TMEM196: variants seen among roughly 807,000 people sequenced by gnomAD.
The protein encoded by TMEM196 is transmembrane protein 196.
TMEM196 carries 17 observed loss-of-function variants against 20.0 expected under a neutral mutation model. The observed-to-expected ratio is 0.85, with a 90% CI of 0.58 to 1.27. The LOEUF (loss-of-function observed/expected upper bound fraction) is 1.27. Among genes scored for constraint, TMEM196 ranks in the 50% most tolerant of loss-of-function variants. The pLI is 0.00. For synonymous variants in TMEM196, 113 were observed against 88.9 expected (o/e 1.27, Z -1.52); for missense variants, 267 against 223.0 (o/e 1.20, Z -1.26).
At chr7:19,757,276 C>T (rs562497308) in intron 1 of TMEM196, among the ~76,000 whole-genome samples, 4 of 145,262 alleles carry the variant, frequency 2.8e-5, no homozygotes, top group Middle Eastern at 3.5e-3. Flanking sequence ...AAGGTTCAAG[C>T]GATTCTCTCA....
chr7:19,743,819 C>T (rs1583436578), intron 1 of TMEM196, among the ~76,000 whole-genome samples: 1 of 152,108 alleles, frequency 6.6e-6, no homozygotes, highest in Non-Finnish European at 1.5e-5. Flanking sequence ...AAAATCTTGA[C>T]AAGGCAAATA....
intron 1 of TMEM196, among the ~76,000 whole-genome samples, chr7:19,747,900 G>C (rs1332724946): frequency 6.6e-6 from 1 of 152,054 alleles, no homozygotes; most frequent in Non-Finnish European, 1.5e-5. Context: ...TCTCCCTAAA[G>C]GTTATTGGAT....
intron 1 of TMEM196, among the ~76,000 whole-genome samples, chr7:19,758,650 A>G (rs1399045503): frequency 1.3e-5 from 2 of 152,236 alleles, no homozygotes; most frequent in South Asian, 2.1e-4. Context: ...GGTTCATTGC[A>G]TGACTCAATT....
At chr7:19,727,692 T>G (rs1784049191) in intron 2 of TMEM196, among the ~76,000 whole-genome samples, 1 of 152,176 alleles carries the variant, frequency 6.6e-6, no homozygotes. Flanking sequence ...TTCAAATAAT[T>G]AATTATTGTT....
At chr7:19,758,373 A>C (rs1306097035) in intron 1 of TMEM196, among the ~76,000 whole-genome samples, 1 of 152,208 alleles carries the variant, frequency 6.6e-6, no homozygotes, top group Non-Finnish European at 1.5e-5. Flanking sequence ...TTATATTTCC[A>C]TTATGGCTTA....
At chr7:19,737,957 C>A (rs1784465766) in intron 1 of TMEM196, among the ~76,000 whole-genome samples, 1 of 151,500 alleles carries the variant, frequency 6.6e-6, no homozygotes, top group South Asian at 2.1e-4. Flanking sequence ...GTTAGGGAAT[C>A]CCAGAATAAA....
At chr7:19,738,183 C>T (rs1027255536) in intron 1 of TMEM196, among the ~76,000 whole-genome samples, 8 of 151,884 alleles carry the variant, frequency 5.3e-5, no homozygotes, top group African/African-American at 1.9e-4. Flanking sequence ...ATTTTGACAC[C>T]ACTATACATG....
At chr7:19,760,202 A>C (rs976148057) in intron 1 of TMEM196, among the ~76,000 whole-genome samples, 3 of 152,076 alleles carry the variant, frequency 2.0e-5, no homozygotes, top group African/African-American at 7.2e-5. Flanking sequence ...TACTCACGCT[A>C]TTCCTCTGCA....
At chr7:19,766,081 A>G (rs1211956793) in intron 1 of TMEM196, among the ~76,000 whole-genome samples, 3 of 152,184 alleles carry the variant, frequency 2.0e-5, no homozygotes, top group Non-Finnish European at 4.4e-5. Context: ...TGAGATTCAC[A>G]AGAACTCCAT....
intron 1 of TMEM196, among the ~76,000 whole-genome samples, chr7:19,752,258 G>T (rs1464820273): frequency 6.6e-6 from 1 of 152,152 alleles, no homozygotes; most frequent in Non-Finnish European, 1.5e-5. Flanking sequence ...GTCAGCTTCA[G>T]ACTCAAAACA....
intron 1 of TMEM196, among the ~76,000 whole-genome samples, chr7:19,757,577 C>G (rs77188381): frequency 0.016 from 2,366 of 151,962 alleles, 53 homozygotes; most frequent in African/African-American, 0.054. Flanking sequence ...ACCCTCATGT[C>G]CCCTCTAAAA....
intron 1 of TMEM196, among the ~76,000 whole-genome samples, chr7:19,751,329 T>C (rs1324356662): frequency 6.6e-6 from 1 of 152,222 alleles, no homozygotes; most frequent in Non-Finnish European, 1.5e-5. Context: ...AAAAGGTTAA[T>C]TGATAGGTGC....
chr7:19,761,035 C>T (rs892422046), intron 1 of TMEM196, among the ~76,000 whole-genome samples: 52 of 152,276 alleles, frequency 3.4e-4, no homozygotes, highest in African/African-American at 1.2e-3. Flanking sequence ...TTGACCTCAA[C>T]GTTGACTTGG....
At position 19,773,136 on chromosome 7, in the gene TMEM196, C is replaced by A. The variant is rs114353950; in HGVS notation, c.-440G>T. On this transcript the variant is annotated 5_prime_UTR_variant, in exon 1 of 5. Transcript: ENST00000405844. The stretch of plus-strand genomic sequence containing the variant: ...TCACAGGGTCCCTTCTGTTTTATTG[C>A]CGAGGAGAGGAGCTTTGCTTCCCGG... The A allele has an allele frequency of 9.2e-3, 1,429 of 155,216 alleles. 23 individuals carry two copies. The highest frequency in any genetic ancestry group is 0.032 in the African/African-American group (1,332 of 41,704). 9.6% of individuals were successfully genotyped at this position (155,216 alleles called of 1,614,324 possible).
chr7:19,766,534 T>C (rs1232761920), intron 1 of TMEM196, among the ~76,000 whole-genome samples: 1 of 150,846 alleles, frequency 6.6e-6, no homozygotes, highest in Non-Finnish European at 1.5e-5. Flanking sequence ...ATATATAAAA[T>C]ATATAGGATC....
intron 1 of TMEM196, among the ~76,000 whole-genome samples, chr7:19,747,024 G>A (rs1451080947): frequency 6.6e-6 from 1 of 152,152 alleles, no homozygotes; most frequent in East Asian, 1.9e-4. Flanking sequence ...GGGAGGCCGA[G>A]GCGGGCGGAT....
At chr7:19,750,488 A>G (rs1460326475) in intron 1 of TMEM196, among the ~76,000 whole-genome samples, 3 of 152,126 alleles carry the variant, frequency 2.0e-5, no homozygotes, top group African/African-American at 7.2e-5. Flanking sequence ...GTCCTTACAC[A>G]TATTCGTATC....
Position 19,763,174 on chromosome 7 carries a change from G to C in TMEM196, c.147+9376C>G, listed in dbSNP as rs375847618. 9.2e-5 allele frequency among the ~76,000 whole-genome samples: 14 copies of C among 152,192 alleles called. No homozygotes were observed. In the East Asian group the frequency reaches 2.5e-3, roughly 27 times the overall value. Reference sequence around the variant, plus strand: ...CACTTTCTGATCTTAAATCACTAAAGCCTAAATCCTTTAGTCTCTCATCCC... The same window carrying C: ...CACTTTCTGATCTTAAATCACTAAACCCTAAATCCTTTAGTCTCTCATCCC... On this transcript the variant is annotated intron_variant, in intron 1 of 4. Coordinates refer to ENST00000405844, the MANE Select transcript of TMEM196 (RefSeq NM_001363562.2).
At chr7:19,737,821 A>C (rs1360680515) in intron 1 of TMEM196, among the ~76,000 whole-genome samples, 1 of 151,956 alleles carries the variant, frequency 6.6e-6, no homozygotes, top group East Asian at 1.9e-4. Flanking sequence ...ATTCTGTATG[A>C]TATTGCAATT....
Sources: allele counts gnomAD v4.1 joint callset (sites outside exome capture counted in the v4.1 genomes callset), GRCh38; gene constraint gnomAD v4.1.1; transcripts MANE v1.5; gene names NCBI Gene and HGNC (gene_info 2026-07-23, HGNC 2026-07-21).